The following ZCCHC4 variants were observed in gnomAD, a reference collection of about 807,000 sequenced individuals.
ZCCHC4 encodes the protein zinc finger CCHC-type containing 4, also known as rRNA N(6)-adenosine-methyltransferase ZCCHC4.
In ZCCHC4, 54 loss-of-function variants were observed where a neutral mutation model predicts 67.7. The ratio of observed to expected loss-of-function variants is 0.80; its 90% CI spans 0.64 to 1.00. ZCCHC4 has a LOEUF of 1.00. ZCCHC4 is among the 50% of genes least tolerant of loss of function. The pLI, the probability that ZCCHC4 is intolerant of heterozygous loss-of-function variation, is 0.00. For missense variants in ZCCHC4, 609 were observed against 617.0 expected, an observed-to-expected ratio of 0.99 and a Z score of 0.14; for synonymous variants, 198 against 213.5, an observed-to-expected ratio of 0.93 and a Z score of 0.63.
At chr4:25,352,294 C>T (rs534086158) in intron 8 of ZCCHC4, 191 of 985,444 alleles carry the variant, frequency 1.9e-4, no homozygotes, top group Non-Finnish European at 2.2e-4. Context: ...ACAGCAGCTC[C>T]ACCTGGTCTT....
chr4:25,332,677 C>CA, intron 3 of ZCCHC4, among the ~76,000 whole-genome samples: 1 of 152,280 alleles, frequency 6.6e-6, no homozygotes, highest in Non-Finnish European at 1.5e-5. Flanking sequence ...CTTATAACTC[C>CA]ATCAGTACTG....
rs912655179 is a variant in ZCCHC4 at position 25,345,551 on chromosome 4, T to C, written c.690T>C (p.Tyr230=). The change falls in exon 6 of 13, where the codon TAT becomes TAC. Residue 230 remains tyrosine (Y), a synonymous_variant. Transcript: ENST00000302874. ...KSLLLDIDFR[Y]SQFYMEDSFC... ...TAACTCTGTAATTATTTTACAGGTA[T>C]TCACAGTTTTATATGGAAGATAGCT... The C allele has an allele frequency of 1.3e-6, 2 of 1,493,994 alleles. No individual in the cohort carries two copies. The highest frequency in any genetic ancestry group is 9.3e-7 in the Non-Finnish European group (1 of 1,075,726). The allele number at this position is 1,493,994 out of a possible 1,614,324, so 92.5% of individuals were successfully genotyped here. A position where few individuals can be genotyped will look rare whatever the true frequency, so the allele number is the denominator to read the frequency against.
intron 3 of ZCCHC4, 127 bp downstream of exon 3, chr4:25,315,527 T>C (rs916356971): frequency 1.5e-6 from 1 of 648,248 alleles, no homozygotes; most frequent in Non-Finnish European, 2.3e-6. Flanking sequence ...TAATATAAAA[T>C]TTGCCATTTT....
At chr4:25,331,786 A>C (rs1384115246) in intron 3 of ZCCHC4, among the ~76,000 whole-genome samples, 1 of 152,092 alleles carries the variant, frequency 6.6e-6, no homozygotes, top group East Asian at 1.9e-4. Flanking sequence ...TTTTCTTTCT[A>C]GTTTTAGATA....
At chr4:25,340,935 G>T (rs1353931310) in intron 5 of ZCCHC4, among the ~76,000 whole-genome samples, 1 of 152,082 alleles carries the variant, frequency 6.6e-6, no homozygotes, top group South Asian at 2.1e-4. Context: ...TCCTAAGTCT[G>T]CTCATTATGA....
chr4:25,347,904 G>C (rs559749299), intron 6 of ZCCHC4, among the ~76,000 whole-genome samples: 1 of 152,270 alleles, frequency 6.6e-6, no homozygotes, highest in Non-Finnish European at 1.5e-5. Flanking sequence ...TCAAATTACT[G>C]TCAACATTGT....
intron 5 of ZCCHC4, among the ~76,000 whole-genome samples, chr4:25,338,293 C>T (rs898725512): frequency 6.6e-6 from 1 of 152,186 alleles, no homozygotes; most frequent in Non-Finnish European, 1.5e-5. Context: ...GGGGTTTCAC[C>T]TTGTTGCCCA....
At position 25,359,053 on chromosome 4, in the gene ZCCHC4, C is replaced by T. The variant is rs1429293094; in HGVS notation, c.1012-2806C>T. On this transcript the variant is annotated intron_variant, in intron 8 of 12. Transcript: ENST00000302874. The surrounding 1 kb of genome is among the most constrained non-coding windows in gnomAD (Gnocchi z 4.9). ...TACTGAGGAGAGTGAGCCTTCATTC[C>T]CTGGTGATTCTGGGTCAGCCATGTG... Among the ~76,000 whole-genome samples the T allele has an allele frequency of 6.6e-6, 1 of 152,134 alleles. No individual in the cohort carries two copies.
rs575927093 is a variant in ZCCHC4 at position 25,328,460 on chromosome 4, G to A, written c.330-4723G>A. 2.6e-4 allele frequency among the ~76,000 whole-genome samples: 40 copies of A among 152,208 alleles called. No individual in the cohort carries two copies. The South Asian group carries it at 6.6e-3, about 25-fold the overall frequency. On this transcript the variant is annotated intron_variant, in intron 3 of 12. Transcript: ENST00000302874. ...TTGCCATATTGGCCAGGCTGGTCTC[G>A]AACTCCTGACCTCAAGTGATCTGCC...
Position 25,359,406 on chromosome 4 carries a change from G to A in ZCCHC4, c.1012-2453G>A, listed in dbSNP as rs1720635082. Among the ~76,000 whole-genome samples, 1 of 152,214 alleles carries A rather than the reference G, an allele frequency of 6.6e-6. No homozygotes were observed. The highest frequency in any genetic ancestry group is 2.4e-5 in the African/African-American group (1 of 41,532). On this transcript the variant is annotated intron_variant, in intron 8 of 12. Coordinates refer to ENST00000302874, the MANE Select transcript of ZCCHC4 (RefSeq NM_024936.3). The surrounding 1 kb of genome is among the most constrained non-coding windows in gnomAD (Gnocchi z 4.9). The stretch of plus-strand genomic sequence containing the variant: ...TGAATGGGGACCTCCAGGCACAGGC[G>A]GGGCACCTGGAGGCTCGGCTACAGA...
chr4:25,353,198 A>G (rs1359683494), intron 8 of ZCCHC4, among the ~76,000 whole-genome samples: 1 of 151,936 alleles, frequency 6.6e-6, no homozygotes, highest in Non-Finnish European at 1.5e-5. Context: ...ACACTGCTGT[A>G]AACACCTTTT....
At chr4:25,362,775 A>AT (rs1398816315) in intron 10 of ZCCHC4, among the ~76,000 whole-genome samples, 2 of 152,142 alleles carry the variant, frequency 1.3e-5, no homozygotes, top group Non-Finnish European at 2.9e-5. Flanking sequence ...TTACTCATTG[A>AT]TTTTTTACAG....
At chr4:25,367,151 A>C (rs1264772823) in intron 12 of ZCCHC4, among the ~76,000 whole-genome samples, 1 of 152,110 alleles carries the variant, frequency 6.6e-6, no homozygotes, top group African/African-American at 2.4e-5. Flanking sequence ...ATCTTATATT[A>C]ATTTGTTTTT....
intron 3 of ZCCHC4, among the ~76,000 whole-genome samples, chr4:25,327,390 C>CTCCCTCCCTCCT (rs1197303211): frequency 2.1e-5 from 3 of 140,528 alleles, no homozygotes; most frequent in African/African-American, 8.8e-5. Context: ...CCCTCCCTCC[C>CTCCCTCCCTCCT]TCCCTCCCTC....
intron 11 of ZCCHC4, 146 bp downstream of exon 11, chr4:25,364,651 T>C: frequency 4.0e-6 from 3 of 747,210 alleles, no homozygotes; most frequent in Non-Finnish European, 6.4e-6. Context: ...TTTATAGTTA[T>C]CAGCATGTAT....
At chr4:25,360,582 A>C (rs1388345121) in intron 8 of ZCCHC4, among the ~76,000 whole-genome samples, 2 of 152,250 alleles carry the variant, frequency 1.3e-5, no homozygotes, top group Non-Finnish European at 2.9e-5. Context: ...GTTCATGGAT[A>C]ACAATCCCCC....
chr4:25,356,095 T>A (rs1720505959), intron 8 of ZCCHC4, among the ~76,000 whole-genome samples: 1 of 152,224 alleles, frequency 6.6e-6, no homozygotes, highest in South Asian at 2.1e-4. Context: ...GACATTTGCG[T>A]ATAGATAAAA....
At chr4:25,351,828 A>G in intron 8 of ZCCHC4, 139 bp downstream of exon 8, 1 of 973,192 alleles carries the variant, frequency 1.0e-6, no homozygotes, top group Non-Finnish European at 1.4e-6. Context: ...AGCTCAGTCC[A>G]GTGTTTTCTA....
At chr4:25,341,256 A>G (rs1719745340) in intron 5 of ZCCHC4, among the ~76,000 whole-genome samples, 1 of 152,160 alleles carries the variant, frequency 6.6e-6, no homozygotes, top group South Asian at 2.1e-4. Context: ...TGGAGTTGAT[A>G]TGGTTTGGAG....
Sources: gnomAD v4.1 joint callset for allele counts (sites outside exome capture counted in the v4.1 genomes callset) on GRCh38, gnomAD v4.1.1 for gene constraint, Gnocchi (gnomAD v3.1) non-coding constraint, MANE v1.5 for transcripts, NCBI Gene and HGNC (gene_info 2026-07-23, HGNC 2026-07-21) for gene names.